The following ERO1A variants were observed in gnomAD, a reference collection of about 807,000 sequenced individuals.
ERO1A encodes the protein endoplasmic reticulum oxidoreductase 1 alpha, also known as ERO1-like protein alpha.
Under a neutral mutation model 76.9 loss-of-function variants are expected in ERO1A, and 49 were observed. That is an observed-to-expected ratio of 0.64 (90% CI 0.51 to 0.81). The LOEUF is 0.81. ERO1A is among the 30% of genes least tolerant of loss of function. The pLI is 0.00. For synonymous variants in ERO1A, 174 were observed against 181.2 expected (o/e 0.96, Z 0.32); for missense variants, 448 against 542.1 (o/e 0.83, Z 1.72).
Position 52,661,273 on chromosome 14 carries a change from A to G in ERO1A, c.688+20T>C. Reference sequence around the variant, plus strand: ...GTATAAACAAATTCATATATGTAATATATAATAAATTATACTTACCTTCAC... The same window carrying G: ...GTATAAACAAATTCATATATGTAATGTATAATAAATTATACTTACCTTCAC... On this transcript the variant is annotated intron_variant, in intron 9 of 15. Transcript: ENST00000395686. The G allele has an allele frequency of 9.4e-7, 1 of 1,067,238 alleles. No individual in the cohort carries two copies. The highest frequency in any genetic ancestry group is 1.3e-6 in the Non-Finnish European group (1 of 756,252). 66.1% of individuals were successfully genotyped at this position (1,067,238 alleles called of 1,614,324 possible).
At chr14:52,691,814 C>A (rs2041363396) in intron 1 of ERO1A, among the ~76,000 whole-genome samples, 1 of 152,182 alleles carries the variant, frequency 6.6e-6, no homozygotes, top group Non-Finnish European at 1.5e-5. Flanking sequence ...TAAGAGTTTA[C>A]AAACATCGTG....
In ERO1A at chr14:52,671,609, A is replaced by C. The variant is rs1273643423; in HGVS notation, c.508+21T>G. ...TTAGGTATAATTTTAAACACAATGCATACTATCAAAAATATTATACCATCA... is the reference window on the plus strand; with the variant it reads ...TTAGGTATAATTTTAAACACAATGCCTACTATCAAAAATATTATACCATCA... On this transcript the variant is annotated intron_variant, in intron 6 of 15. Transcript: ENST00000395686. 3 of 1,554,742 alleles carry C rather than the reference A, an allele frequency of 1.9e-6. No homozygotes were observed. In the Admixed American group the frequency reaches 5.3e-5, roughly 27 times the overall value.
At chr14:52,645,134 G>T (rs1267158245) in intron 15 of ERO1A, among the ~76,000 whole-genome samples, 1 of 151,912 alleles carries the variant, frequency 6.6e-6, no homozygotes, top group Admixed American at 6.6e-5. Flanking sequence ...TTCACAAAGA[G>T]ATTTACATGT....
chr14:52,686,753 T>G (rs2041188929), intron 1 of ERO1A, among the ~76,000 whole-genome samples: 1 of 151,980 alleles, frequency 6.6e-6, no homozygotes, highest in Non-Finnish European at 1.5e-5. Context: ...CACATGTCTG[T>G]AGTCCCAGCT....
Position 52,671,815 on chromosome 14 carries a change from T to C in ERO1A, c.414A>G (p.Gly138=). 6.2e-7 allele frequency: 1 copy of C among 1,609,238 alleles called. No individual in the cohort carries two copies. The change falls in exon 5 of 16, where the codon GGA becomes GGG. Residue 138 remains glycine (G), a synonymous_variant. Transcript: ENST00000395686. ...IEECEQAERL[G]AVDESLSEET... ...CAAACCTCAGAGATTCATCCACTGC[T>C]CCAAGTCGTTCAGCTTGTTCACATT...
At chr14:52,660,131 G>A (rs1210743525) in intron 9 of ERO1A, among the ~76,000 whole-genome samples, 1 of 152,198 alleles carries the variant, frequency 6.6e-6, no homozygotes, top group Non-Finnish European at 1.5e-5. Flanking sequence ...ACCACGCCCA[G>A]CCAAGAAATC....
intron 11 of ERO1A, among the ~76,000 whole-genome samples, chr14:52,655,040 T>C (rs1332507365): frequency 1.3e-5 from 2 of 152,206 alleles, no homozygotes; most frequent in Non-Finnish European, 1.5e-5. Flanking sequence ...CTTAGCATTG[T>C]TTTTCTCTGT....
At chr14:52,658,892 C>A (rs1229412039) in intron 9 of ERO1A, among the ~76,000 whole-genome samples, 2 of 152,042 alleles carry the variant, frequency 1.3e-5, no homozygotes, top group African/African-American at 2.4e-5. Context: ...TGTAAAGATT[C>A]ATGTATGCAT....
chr14:52,652,180 T>G, intron 13 of ERO1A, 59 bp downstream of exon 13: 1 of 1,066,540 alleles, frequency 9.4e-7, no homozygotes, highest in Non-Finnish European at 1.5e-6. Context: ...GTACTATATA[T>G]TCATATCTGC....
intron 11 of ERO1A, among the ~76,000 whole-genome samples, chr14:52,656,376 A>T (rs940111801): frequency 4.6e-5 from 7 of 152,222 alleles, no homozygotes; most frequent in African/African-American, 1.2e-4. Context: ...ACATATTCAT[A>T]AAACCTAAAC....
rs1392703597 is a variant in ERO1A at position 52,641,299 on chromosome 14, T to C, written c.*2271A>G. The C allele has an allele frequency of 6.6e-6, 1 of 151,190 alleles. No homozygotes were observed. Among genetic ancestry groups the C allele is most frequent in the Non-Finnish European group, 1.5e-5 (1 of 67,886 alleles). The allele number at this position is 151,190 out of a possible 1,614,324, so 9.4% of individuals were successfully genotyped here. A position where few individuals can be genotyped will look rare whatever the true frequency, so the allele number is the denominator to read the frequency against. On this transcript the variant is annotated 3_prime_UTR_variant, in exon 16 of 16. Coordinates refer to ENST00000395686, the MANE Select transcript of ERO1A (RefSeq NM_014584.3). ...AGGTAAGAATATTCCTTCAAAAAGA[T>C]TGGCAGCTAAAAAAAAAAGAGGCCG...
intron 13 of ERO1A, among the ~76,000 whole-genome samples, chr14:52,650,283 T>C (rs1355300266): frequency 6.6e-6 from 1 of 151,890 alleles, no homozygotes; most frequent in East Asian, 1.9e-4. Flanking sequence ...GAAATCTACC[T>C]ATACATATCT....
intron 7 of ERO1A, among the ~76,000 whole-genome samples, chr14:52,665,744 G>A (rs144262927): frequency 9.2e-5 from 14 of 152,158 alleles, no homozygotes; most frequent in African/African-American, 2.6e-4. Context: ...TGGTTACCCC[G>A]TACAAAGCGG....
At position 52,653,330 on chromosome 14, in the gene ERO1A, GAATTA is replaced by G. The variant is rs141108666; in HGVS notation, c.809-20_809-16del. 19,365 of 1,556,252 alleles carry G rather than the reference GAATTA, an allele frequency of 0.012. 179 individuals carry two copies. Among genetic ancestry groups the G allele is most frequent in the Middle Eastern group, 0.036 (207 of 5,774 alleles). On this transcript the variant is annotated splice_polypyrimidine_tract_variant and intron_variant, in intron 11 of 15. Coordinates refer to ENST00000395686, the MANE Select transcript of ERO1A (RefSeq NM_014584.3). ...TAACCAGGTCTCTAAGAAGGAAGAA[GAATTA>G]AATATTAAAAACTGAATTTGACAAT...
At chr14:52,687,799 A>T (rs2041225681) in intron 1 of ERO1A, among the ~76,000 whole-genome samples, 1 of 152,206 alleles carries the variant, frequency 6.6e-6, no homozygotes, top group South Asian at 2.1e-4. Context: ...GTAGAGGGCC[A>T]ATCTAATAAG....
intron 2 of ERO1A, 83 bp from the exon 3 acceptor site, chr14:52,682,491 C>G: frequency 9.5e-7 from 1 of 1,054,800 alleles, no homozygotes. Context: ...GGTGCTATAA[C>G]TTGGTCATGT....
chr14:52,692,204 T>G (rs894068398), intron 1 of ERO1A, among the ~76,000 whole-genome samples: 4 of 152,264 alleles, frequency 2.6e-5, no homozygotes, highest in Non-Finnish European at 5.9e-5. Flanking sequence ...TTCTTGGAAG[T>G]GTCACACCTT....
chr14:52,646,396 A>G lies in ERO1A; in HGVS notation c.1191T>C (p.Cys397=), dbSNP rs1217221063. ...RIMDCVGCFK[C]RLWGKLQTQG... is the part of the protein sequence containing the mutation. The stretch of plus-strand genomic sequence containing the variant: ...TTACCTGAAGCTTTCCCCACAGACG[A>G]CATTTAAAACAACCAACACAATCCA... Residue 397 remains cysteine (C), a synonymous_variant, in exon 14 of 16, where the codon TGT becomes TGC. Transcript: ENST00000395686. 2 of 1,613,524 alleles carry G rather than the reference A, an allele frequency of 1.2e-6. No homozygotes were observed. The highest frequency in any genetic ancestry group is 2.7e-5 in the African/African-American group (2 of 75,034).
chr14:52,651,585 A>G (rs936103226), intron 13 of ERO1A, among the ~76,000 whole-genome samples: 4 of 152,314 alleles, frequency 2.6e-5, no homozygotes, highest in East Asian at 1.9e-4. Flanking sequence ...TGAGGAAAAG[A>G]AAGATTATGA....
Sources: gnomAD v4.1 joint callset for allele counts (sites outside exome capture counted in the v4.1 genomes callset) on GRCh38, gnomAD v4.1.1 for gene constraint, MANE v1.5 for transcripts, NCBI Gene and HGNC (gene_info 2026-07-23, HGNC 2026-07-21) for gene names.